BEND6: variants seen among roughly 807,000 people sequenced by gnomAD.
BEND6 encodes the protein BEN domain-containing protein 6.
Under a neutral mutation model 31.8 loss-of-function variants are expected in BEND6, and 24 were observed. The observed-to-expected ratio is 0.75, with a 90% confidence interval of 0.55 to 1.06. The LOEUF (loss-of-function observed/expected upper bound fraction) is 1.06, where lower values mean the gene tolerates loss of function less well. BEND6 is among the 50% of genes least tolerant of loss of function. BEND6 has a pLI of 0.00. For missense variants in BEND6, 294 were observed against 327.4 expected, an observed-to-expected ratio of 0.90 and a Z score of 0.79; for synonymous variants, 109 against 114.6, an observed-to-expected ratio of 0.95 and a Z score of 0.31.
intron 3 of BEND6, chr6:57,008,504 G>A: frequency 5.7e-6 from 2 of 351,660 alleles, no homozygotes; most frequent in East Asian, 4.7e-5. Context: ...CTGTGTGATT[G>A]TCAGGGAGAA....
chr6:56,966,126 G>A (rs1379166212), intron 1 of BEND6, among the ~76,000 whole-genome samples: 3 of 152,020 alleles, frequency 2.0e-5, no homozygotes, highest in African/African-American at 7.2e-5. Context: ...TTTTGAGACC[G>A]AGTCTTGCTC....
intron 1 of BEND6, chr6:56,975,610 C>T: frequency 2.9e-6 from 1 of 348,960 alleles, no homozygotes; most frequent in South Asian, 3.1e-5. Flanking sequence ...CACTCTAGCC[C>T]ATCAGATAGC....
At chr6:56,982,053 C>G in intron 2 of BEND6, 123 bp downstream of exon 2, 1 of 1,136,326 alleles carries the variant, frequency 8.8e-7, no homozygotes, top group Non-Finnish European at 1.2e-6. Flanking sequence ...TTTCTTTATT[C>G]AATGGAGAAA....
chr6:56,989,790 G>C (rs1332197833), intron 2 of BEND6, among the ~76,000 whole-genome samples: 2 of 152,008 alleles, frequency 1.3e-5, no homozygotes, highest in African/African-American at 4.8e-5. Flanking sequence ...TTGAATTGCT[G>C]GCTTCTTTTT....
chr6:56,975,812 C>G (rs1825851886), intron 1 of BEND6: 1 of 535,946 alleles, frequency 1.9e-6, no homozygotes, highest in African/African-American at 1.9e-5. Flanking sequence ...AATATATTGT[C>G]CATTTACTCT....
chr6:56,985,276 C>T (rs1826216935), intron 2 of BEND6, among the ~76,000 whole-genome samples: 1 of 152,138 alleles, frequency 6.6e-6, no homozygotes, highest in African/African-American at 2.4e-5. Context: ...ATATAAGTTG[C>T]AAAGGCTGTA....
intron 1 of BEND6, among the ~76,000 whole-genome samples, chr6:56,980,589 C>T (rs1171450966): frequency 6.6e-6 from 1 of 152,192 alleles, no homozygotes; most frequent in African/African-American, 2.4e-5. Context: ...TGTGTTAGCT[C>T]AAGCACTATT....
At chr6:56,974,752 C>T (rs1825814025) in intron 1 of BEND6, among the ~76,000 whole-genome samples, 1 of 152,096 alleles carries the variant, frequency 6.6e-6, no homozygotes, top group African/African-American at 2.4e-5. Context: ...TATTTCTGCT[C>T]CTTTCATATA....
At chr6:57,008,428 T>C in intron 3 of BEND6, 1 of 576,486 alleles carries the variant, frequency 1.7e-6, no homozygotes, top group Non-Finnish European at 3.1e-6. Context: ...GGCAGTGCTG[T>C]GGAAATCTGT....
chr6:56,956,408 C>A lies in BEND6; in HGVS notation c.-101+948C>A, dbSNP rs1592954533. ...GTACAGCTCTGCATGAAAGCTTAAT[C>A]ATTGATGTCCTTAAAGCCAGTAACA... On this transcript the variant is annotated intron_variant, in intron 1 of 6. Coordinates refer to ENST00000370746, the MANE Select transcript of BEND6 (RefSeq NM_152731.3). 2.0e-5 allele frequency among the ~76,000 whole-genome samples: 3 copies of A among 152,326 alleles called. No individual in the cohort carries two copies. In the South Asian group the frequency reaches 6.2e-4, roughly 32 times the overall value.
intron 1 of BEND6, among the ~76,000 whole-genome samples, chr6:56,974,406 T>C (rs899661032): frequency 1.3e-5 from 2 of 152,238 alleles, no homozygotes; most frequent in African/African-American, 4.8e-5. Context: ...AGAATGTTTT[T>C]TACAGATTTA....
At chr6:56,974,317 A>C (rs1228503711) in intron 1 of BEND6, among the ~76,000 whole-genome samples, 1 of 152,190 alleles carries the variant, frequency 6.6e-6, no homozygotes, top group Non-Finnish European at 1.5e-5. Flanking sequence ...AAATATGATA[A>C]ATATATGGAT....
chr6:57,003,512 GCAACAACAACAACAA>G (rs371966915), intron 3 of BEND6, among the ~76,000 whole-genome samples: 2 of 146,638 alleles, frequency 1.4e-5, no homozygotes, highest in South Asian at 4.2e-4. Flanking sequence ...AAAACAAACA[GCAACAACAACAACAA>G]CAACAACAAC....
chr6:57,012,945 G>A (rs1191514115), intron 3 of BEND6, among the ~76,000 whole-genome samples: 1 of 152,022 alleles, frequency 6.6e-6, no homozygotes, highest in Non-Finnish European at 1.5e-5. Context: ...ATTCTCTACG[G>A]CAATTTAATC....
intron 2 of BEND6, among the ~76,000 whole-genome samples, chr6:56,985,476 C>T (rs908041601): frequency 1.1e-4 from 17 of 152,158 alleles, no homozygotes; most frequent in Non-Finnish European, 2.1e-4. Flanking sequence ...TCCCCTCACT[C>T]TCCCATCATG....
intron 3 of BEND6, among the ~76,000 whole-genome samples, chr6:57,000,633 G>GAAA (rs34750947): frequency 6.0e-5 from 8 of 133,604 alleles, no homozygotes; most frequent in African/African-American, 2.2e-4. Flanking sequence ...ATGAGATAAT[G>GAAA]AAAAAAAAAA....
intron 1 of BEND6, among the ~76,000 whole-genome samples, chr6:56,971,956 G>T (rs1017395192): frequency 4.0e-5 from 6 of 151,872 alleles, no homozygotes; most frequent in African/African-American, 1.2e-4. Context: ...ACTTTAATTT[G>T]CATGAAGTCC....
chr6:57,010,320 T>C (rs1331583836), intron 3 of BEND6: 1 of 152,230 alleles, frequency 6.6e-6, no homozygotes, highest in Non-Finnish European at 1.5e-5. Context: ...AGGAAACCTA[T>C]AGTTTATATG....
intron 3 of BEND6, among the ~76,000 whole-genome samples, chr6:56,994,236 G>T (rs1414144616): frequency 6.6e-6 from 1 of 151,782 alleles, no homozygotes; most frequent in Non-Finnish European, 1.5e-5. Flanking sequence ...GAGGTGGGTG[G>T]ATCAAGAGGT....
Sources: gnomAD v4.1 joint callset for allele counts (sites outside exome capture counted in the v4.1 genomes callset) on GRCh38, gnomAD v4.1.1 for gene constraint, MANE v1.5 for transcripts, NCBI Gene and HGNC (gene_info 2026-07-23, HGNC 2026-07-21) for gene names.